Variants in PRKCH observed in about 807,000 individuals in gnomAD.
The protein encoded by PRKCH is protein kinase C eta.
Under a neutral mutation model 82.5 loss-of-function variants are expected in PRKCH, and 28 were observed. The ratio of observed to expected loss-of-function variants is 0.34; its 90% confidence interval spans 0.25 to 0.47. The LOEUF (loss-of-function observed/expected upper bound fraction) is 0.47, where lower values mean the gene tolerates loss of function less well. Ranked by LOEUF, PRKCH falls within the 20% of genes least tolerant of loss-of-function variation. The pLI is 1.00. For synonymous variants in PRKCH, 322 were observed against 327.4 expected (o/e 0.98, Z 0.18); for missense variants, 705 against 881.8 (o/e 0.80, Z 2.54).
intron 12 of PRKCH, among the ~76,000 whole-genome samples, chr14:61,537,334 A>C (rs1483969840): frequency 6.6e-6 from 1 of 152,232 alleles, no homozygotes. Context: ...AATAAAAGGC[A>C]TTCCAGCTGT....
At chr14:61,533,393 A>G (rs950414380) in intron 12 of PRKCH, among the ~76,000 whole-genome samples, 3 of 150,738 alleles carry the variant, frequency 2.0e-5, no homozygotes, top group Non-Finnish European at 4.4e-5. Context: ...AATGGTATAG[A>G]TGAAAACATT....
chr14:61,385,052 G>T (rs1469805219), intron 1 of PRKCH, among the ~76,000 whole-genome samples: 2 of 151,992 alleles, frequency 1.3e-5, no homozygotes, highest in African/African-American at 4.8e-5. Context: ...ACTGTTATCT[G>T]GGTTTCAACA....
upstream of PRKCH, among the ~76,000 whole-genome samples, chr14:61,319,480 G>A (rs1265303021): frequency 6.6e-6 from 1 of 152,150 alleles, no homozygotes; most frequent in African/African-American, 2.4e-5. Context: ...TACTGATAGG[G>A]TGAAGATGGA....
intron 10 of PRKCH, among the ~76,000 whole-genome samples, chr14:61,491,808 G>A (rs180915877): frequency 6.6e-6 from 1 of 152,260 alleles, no homozygotes; most frequent in Non-Finnish European, 1.5e-5. Flanking sequence ...TGGATGTAAT[G>A]GTATGAGCAA....
At chr14:61,487,060 G>C (rs1886256305) in intron 10 of PRKCH, among the ~76,000 whole-genome samples, 2 of 152,156 alleles carry the variant, frequency 1.3e-5, no homozygotes, top group African/African-American at 4.8e-5. Flanking sequence ...AGAACAAGTA[G>C]TAACTCTCTT....
chr14:61,519,748 G>A (rs554808790), intron 10 of PRKCH, among the ~76,000 whole-genome samples: 1 of 152,186 alleles, frequency 6.6e-6, no homozygotes, highest in South Asian at 2.1e-4. Context: ...GCTGCTTTTA[G>A]TAGGAAATTC....
At chr14:61,463,142 A>C (rs1885103322) in intron 9 of PRKCH, 1 of 152,136 alleles carries the variant, frequency 6.6e-6, no homozygotes, top group African/African-American at 2.4e-5. Flanking sequence ...AATTCCTTTG[A>C]CCCTTAAAGT....
intron 1 of PRKCH, among the ~76,000 whole-genome samples, chr14:61,219,415 T>C (rs1370672588): frequency 6.6e-6 from 1 of 152,250 alleles, no homozygotes; most frequent in Non-Finnish European, 1.5e-5. Flanking sequence ...GCAAGGGGTG[T>C]CAGCTCCTGT....
At chr14:61,491,730 C>T (rs527905848) in intron 10 of PRKCH, among the ~76,000 whole-genome samples, 1 of 152,350 alleles carries the variant, frequency 6.6e-6, no homozygotes, top group East Asian at 1.9e-4. Context: ...CACTGTTCTG[C>T]ACCCTTGCAT....
At chr14:61,200,111 A>T (rs1317722572) in intron 1 of PRKCH, among the ~76,000 whole-genome samples, 4 of 152,190 alleles carry the variant, frequency 2.6e-5, no homozygotes, top group South Asian at 2.1e-4. Context: ...GTAATGACTA[A>T]AGGACAAGAC....
At chr14:61,321,132 T>C (rs951627999), upstream of PRKCH, among the ~76,000 whole-genome samples, 2 of 152,188 alleles carry the variant, frequency 1.3e-5, no homozygotes, top group Non-Finnish European at 2.9e-5. This position sits in a 1 kb window ranked among gnomAD's most constrained non-coding sequence, Gnocchi z 4.1. Context: ...GGATGAGCCA[T>C]CCCTGTAAAT....
intron 1 of PRKCH, among the ~76,000 whole-genome samples, chr14:61,267,398 G>A (rs777459263): frequency 1.3e-5 from 2 of 152,126 alleles, no homozygotes; most frequent in Non-Finnish European, 2.9e-5. Context: ...TCACTCTTCT[G>A]ACACTCTAGC....
chr14:61,484,729 A>G (rs981322500), intron 9 of PRKCH, among the ~76,000 whole-genome samples: 3 of 147,558 alleles, frequency 2.0e-5, no homozygotes, highest in African/African-American at 5.1e-5. Flanking sequence ...GGTATTTCCA[A>G]TGTGGATGCT....
Position 61,453,312 on chromosome 14 carries a change from G to A in PRKCH, c.919G>A (p.Ala307Thr), listed in dbSNP as rs200285035. Reference sequence around the variant, plus strand: ...TGCGGTGGAACTTGCCAAGACCCTGGCAGGGATGGGTCTCCAACCCGGAAA... The same window carrying A: ...TGCGGTGGAACTTGCCAAGACCCTGACAGGGATGGGTCTCCAACCCGGAAA... The part of the protein sequence containing the change: ...VNAVELAKTL[A>T]GMGLQPGNIS... The change falls in exon 7 of 14, where the codon GCA becomes ACA. Residue 307 changes from alanine (A) to threonine (T), a missense_variant. This residue lies in a region of PRKCH where 238 missense variants were observed against 258.1 expected (regional missense o/e 0.92). Coordinates refer to ENST00000332981, the MANE Select transcript of PRKCH (RefSeq NM_006255.5). 5.0e-6 allele frequency: 8 copies of A among 1,614,052 alleles called. No homozygotes were observed. Among genetic ancestry groups the A allele is most frequent in the Admixed American group, 3.3e-5 (2 of 60,016 alleles).
intron 2 of PRKCH, among the ~76,000 whole-genome samples, chr14:61,425,055 A>C: frequency 6.6e-6 from 1 of 152,238 alleles, no homozygotes; most frequent in Non-Finnish European, 1.5e-5. Flanking sequence ...ATTTCAGAGG[A>C]TGTATGGAAA....
At chr14:61,444,278 T>G (rs963239493) in intron 3 of PRKCH, among the ~76,000 whole-genome samples, 5 of 152,178 alleles carry the variant, frequency 3.3e-5, no homozygotes, top group African/African-American at 9.7e-5. Context: ...TACTTTTTTT[T>G]GGGAAAAAAT....
intron 9 of PRKCH, among the ~76,000 whole-genome samples, chr14:61,473,583 A>T (rs992453469): frequency 5.9e-5 from 9 of 152,200 alleles, no homozygotes; most frequent in African/African-American, 2.2e-4. Flanking sequence ...ATGGAATAGC[A>T]TGAGTTCGGT....
intron 10 of PRKCH, among the ~76,000 whole-genome samples, chr14:61,499,345 CAT>C (rs1886799343): frequency 6.6e-6 from 1 of 152,172 alleles, no homozygotes; most frequent in Non-Finnish European, 1.5e-5. Flanking sequence ...AATGCTCACA[CAT>C]GATGAATTTC....
intron 10 of PRKCH, among the ~76,000 whole-genome samples, chr14:61,516,501 A>C (rs1282726854): frequency 6.6e-6 from 1 of 152,190 alleles, no homozygotes; most frequent in Admixed American, 6.5e-5. Flanking sequence ...CTATGACACA[A>C]AATTAGAAAC....
Sources: gnomAD v4.1 joint callset for allele counts (sites outside exome capture counted in the v4.1 genomes callset) on GRCh38, gnomAD v4.1.1 for gene constraint, gnomAD v4.1.1 regional missense constraint, Gnocchi (gnomAD v3.1) non-coding constraint, MANE v1.5 for transcripts, NCBI Gene and HGNC (gene_info 2026-07-23, HGNC 2026-07-21) for gene names.